The following PAX2 variants were observed in gnomAD, a reference collection of about 807,000 sequenced individuals.
PAX2 encodes paired box 2, also known as paired box protein Pax-2.
PAX2 carries 9 observed loss-of-function variants against 41.7 expected under a neutral mutation model. That is an observed-to-expected ratio of 0.22 (90% CI 0.13 to 0.38). The LOEUF (loss-of-function observed/expected upper bound fraction) is 0.38. PAX2 is among the 10% of genes least tolerant of loss of function. PAX2 has a pLI of 1.00. For synonymous variants in PAX2, 221 were observed against 212.7 expected, an observed-to-expected ratio of 1.04 and a Z score of -0.34; for missense variants, 418 against 531.6, an observed-to-expected ratio of 0.79 and a Z score of 2.10.
chr10:100,743,472 C>T (rs1026372064), upstream of PAX2, among the ~76,000 whole-genome samples: 8 of 152,068 alleles, frequency 5.3e-5, no homozygotes, highest in African/African-American at 1.9e-4. Context: ...GTTCACACAC[C>T]CCGAGACAAA....
chr10:100,747,672 G>A (rs1371102401), intron 1 of PAX2: 2 of 984,432 alleles, frequency 2.0e-6, no homozygotes, highest in Non-Finnish European at 2.4e-6. Context: ...GGGTTGGGGG[G>A]GGCGTTTAAA....
At chr10:100,741,893 T>C (rs1204188139), upstream of PAX2, among the ~76,000 whole-genome samples, 4 of 152,174 alleles carry the variant, frequency 2.6e-5, no homozygotes, top group African/African-American at 9.6e-5. Context: ...ATGCATTTAA[T>C]TTCGGAATTT....
intron 5 of PAX2, among the ~76,000 whole-genome samples, chr10:100,802,843 T>C (rs1434723157): frequency 1.3e-5 from 2 of 152,174 alleles, no homozygotes; most frequent in Non-Finnish European, 2.9e-5. Flanking sequence ...GATCTGCTTT[T>C]ACATCCTAGA....
intron 7 of PAX2, among the ~76,000 whole-genome samples, chr10:100,810,401 C>T (rs1010520964): frequency 6.6e-6 from 1 of 152,228 alleles, no homozygotes; most frequent in African/African-American, 2.4e-5. Context: ...TGTTTCCAGC[C>T]TAGATCTTTG....
chr10:100,800,562 A>C lies in PAX2; in HGVS notation c.617-5868A>C, dbSNP rs577681771. Among the ~76,000 whole-genome samples the C allele has an allele frequency of 1.5e-3, 235 of 152,244 alleles. 2 individuals are homozygous for C. The highest frequency in any genetic ancestry group is 5.5e-3 in the African/African-American group (230 of 41,548). On this transcript the variant is annotated intron_variant, in intron 5 of 9. Transcript: ENST00000355243. ...AGTGTTGGGATTACAGGCATGAGCC[A>C]CTATGCCTGGCCCATTATTTCATTT...
Position 100,748,662 on chromosome 10 carries a change from C to T in PAX2, c.44-1084C>T. ...GGGAGAATGGGGCACAGGAAGCACCCTCAGGCCTGGCACCCAGTGGCCGCC... is the reference window on the plus strand; with the variant it reads ...GGGAGAATGGGGCACAGGAAGCACCTTCAGGCCTGGCACCCAGTGGCCGCC... On this transcript the variant is annotated intron_variant, in intron 1 of 9. Coordinates refer to ENST00000355243, the MANE Select transcript of PAX2 (RefSeq NM_000278.5). This position sits in a 1 kb window ranked among gnomAD's most constrained non-coding sequence, Gnocchi z 5.0. The T allele has an allele frequency of 4.1e-6, 4 of 985,458 alleles. No homozygotes were observed. Among genetic ancestry groups the T allele is most frequent in the Non-Finnish European group, 4.8e-6 (4 of 829,922 alleles). 61.0% of individuals were successfully genotyped at this position (985,458 alleles called of 1,614,324 possible). A position where few individuals can be genotyped will look rare whatever the true frequency, so the allele number is the denominator to read the frequency against.
At chr10:100,802,804 G>A (rs540622635) in intron 5 of PAX2, among the ~76,000 whole-genome samples, 4 of 152,104 alleles carry the variant, frequency 2.6e-5, no homozygotes, top group South Asian at 2.1e-4. Flanking sequence ...AATCACTCAC[G>A]CGCTCTCCTT....
intron 5 of PAX2, among the ~76,000 whole-genome samples, chr10:100,790,954 GA>G (rs1847092696): frequency 6.6e-6 from 1 of 152,222 alleles, no homozygotes; most frequent in Admixed American, 6.5e-5. Flanking sequence ...AGTTGCAGCG[GA>G]GCCAGTAATT....
rs866322776 is a variant in PAX2 at position 100,748,738 on chromosome 10, C to A, written c.44-1008C>A. ...CTGGAGCCGGGTTGGAAACCCCGTGCCCTTCTCTTGGCCGAAAGAGCAAAA... is the reference window on the plus strand; with the variant it reads ...CTGGAGCCGGGTTGGAAACCCCGTGACCTTCTCTTGGCCGAAAGAGCAAAA... On this transcript the variant is annotated intron_variant, in intron 1 of 9. Transcript: ENST00000355243. This position sits in a 1 kb window ranked among gnomAD's most constrained non-coding sequence, Gnocchi z 5.0. 1.0e-6 allele frequency: 1 copy of A among 985,498 alleles called. No homozygotes were observed. The highest frequency in any genetic ancestry group is 1.2e-6 in the Non-Finnish European group (1 of 829,976). 61.0% of individuals were successfully genotyped at this position (985,498 alleles called of 1,614,324 possible). A position where few individuals can be genotyped will look rare whatever the true frequency, so the allele number is the denominator to read the frequency against.
chr10:100,749,727 T>C lies in PAX2; in HGVS notation c.44-19T>C, dbSNP rs1845363665. On this transcript the variant is annotated intron_variant, in intron 1 of 9. Coordinates refer to ENST00000355243, the MANE Select transcript of PAX2 (RefSeq NM_000278.5). ...CTGCTGTGTGTGGGGTGTTGTGTTT[T>C]TTTCTTGTCTCTCCCCAGCAGGGCA... 1.2e-6 allele frequency: 2 copies of C among 1,605,198 alleles called. No homozygotes were observed. Among genetic ancestry groups the C allele is most frequent in the South Asian group, 1.1e-5 (1 of 90,384 alleles).
chr10:100,809,275 G>C (rs755756789), intron 7 of PAX2, 39 bp downstream of exon 7: 33 of 1,601,030 alleles, frequency 2.1e-5, no homozygotes, highest in African/African-American at 2.7e-5. Flanking sequence ...ACTGCGTTCA[G>C]TGGAGGGTGC....
At chr10:100,783,094 G>A (rs966671899) in intron 5 of PAX2, among the ~76,000 whole-genome samples, 15 of 152,248 alleles carry the variant, frequency 9.9e-5, no homozygotes, top group Non-Finnish European at 2.1e-4. Flanking sequence ...GGGTAGGGAG[G>A]CACTGGCATG....
At chr10:100,813,359 A>G (rs577967373) in intron 7 of PAX2, among the ~76,000 whole-genome samples, 1 of 152,368 alleles carries the variant, frequency 6.6e-6, no homozygotes, top group Admixed American at 6.5e-5. Flanking sequence ...TGAATAAAAT[A>G]TAACAACAAA....
chr10:100,756,895 T>G lies in PAX2; in HGVS notation c.410+6004T>G, dbSNP rs113300950. On this transcript the variant is annotated intron_variant, in intron 3 of 9. Coordinates refer to ENST00000355243, the MANE Select transcript of PAX2 (RefSeq NM_000278.5). ...CCAGTGCAGCTCCCCAGCCATGCAG[T>G]TGAGTCCAGAGAAGGGGAAAGGGCT... Among the ~76,000 whole-genome samples the G allele has an allele frequency of 8.1e-3, 1,241 of 152,282 alleles. 23 individuals carry two copies. Among genetic ancestry groups the G allele is most frequent in the African/African-American group, 0.028 (1,175 of 41,542 alleles).
intron 8 of PAX2, chr10:100,825,036 A>G (rs1461272928): frequency 6.9e-7 from 1 of 1,440,026 alleles, no homozygotes; most frequent in South Asian, 1.1e-5. Flanking sequence ...GTGCCCGAGG[A>G]GCACTCAGCC....
chr10:100,742,843 C>CATTTTTTTTTT (rs1845014342), upstream of PAX2, among the ~76,000 whole-genome samples: 1 of 41,206 alleles, frequency 2.4e-5, no homozygotes, highest in South Asian at 1.1e-3. Context: ...TTCTTTCTTC[C>CATTTTTTTTTT]TTTTTTTTTT....
chr10:100,821,177 G>A (rs539949643), intron 7 of PAX2, among the ~76,000 whole-genome samples: 3 of 152,328 alleles, frequency 2.0e-5, no homozygotes, highest in East Asian at 3.9e-4. Context: ...ACTTCCTGCA[G>A]TATGTGTTTT....
At chr10:100,798,128 T>TTTTC (rs1309620611) in intron 5 of PAX2, among the ~76,000 whole-genome samples, 4 of 108,952 alleles carry the variant, frequency 3.7e-5, no homozygotes, top group South Asian at 3.1e-4. Context: ...TTTTTTTTTT[T>TTTTC]AGACAGGGTC....
At chr10:100,752,498 T>C (rs1163894843) in intron 3 of PAX2, among the ~76,000 whole-genome samples, 1 of 152,202 alleles carries the variant, frequency 6.6e-6, no homozygotes, top group Non-Finnish European at 1.5e-5. Flanking sequence ...GTCTCTTGGC[T>C]GATTGCTGGT....
Sources: allele counts gnomAD v4.1 joint callset (sites outside exome capture counted in the v4.1 genomes callset), GRCh38; gene constraint gnomAD v4.1.1; non-coding constraint Gnocchi (gnomAD v3.1); transcripts MANE v1.5; gene names NCBI Gene and HGNC (gene_info 2026-07-23, HGNC 2026-07-21).